Variants in AGBL1 observed in about 807,000 individuals in gnomAD.
The protein encoded by AGBL1 is cytosolic carboxypeptidase 4.
Under a neutral mutation model 118.9 loss-of-function variants are expected in AGBL1, and 130 were observed. The ratio of observed to expected loss-of-function variants is 1.09; its 90% CI spans 0.95 to 1.26. The LOEUF is 1.26. AGBL1 is among the 50% of genes most tolerant of loss of function. The pLI, the probability that AGBL1 is intolerant of heterozygous loss-of-function variation, is 0.00. For missense variants in AGBL1, 1,584 were observed against 1,298.1 expected (o/e 1.22, Z -3.38); for synonymous variants, 555 against 478.9 (o/e 1.16, Z -2.08).
chr15:86,639,973 A>G (rs762392633), intron 21 of AGBL1, among the ~76,000 whole-genome samples: 1 of 152,100 alleles, frequency 6.6e-6, no homozygotes, highest in Admixed American at 6.6e-5. Flanking sequence ...TGCTGAATGG[A>G]TGGTGTGTGT....
downstream of AGBL1, among the ~76,000 whole-genome samples, chr15:86,917,483 C>A (rs2881640): frequency 1.3e-5 from 2 of 152,014 alleles, no homozygotes; most frequent in Non-Finnish European, 2.9e-5. The surrounding 1 kb of genome is among the most constrained non-coding windows in gnomAD (Gnocchi z 4.8). Flanking sequence ...ACTGAGCACA[C>A]TGAATGTTCC....
chr15:86,242,483 T>C (rs1328332074), intron 6 of AGBL1, among the ~76,000 whole-genome samples: 2 of 152,194 alleles, frequency 1.3e-5, no homozygotes, highest in Admixed American at 1.3e-4. Flanking sequence ...ATGCTCAAAG[T>C]CGCACAGCTA....
chr15:86,593,344 T>G (rs2084363989), intron 21 of AGBL1, among the ~76,000 whole-genome samples: 1 of 151,642 alleles, frequency 6.6e-6, no homozygotes, highest in South Asian at 2.1e-4. Flanking sequence ...GATCTGTGGA[T>G]CTGGTGTGCT....
chr15:86,625,364 C>CCTTTTTTTTTTTTTTTTTTTTTTTT lies in AGBL1; in HGVS notation c.2995-48909_2995-48908insCTTTTTTTTTTTTTTTTTTTTTTTT, dbSNP rs1429206623. Among the ~76,000 whole-genome samples the CCTTTTTTTTTTTTTTTTTTTTTTTT allele has an allele frequency of 5.9e-5, 4 of 68,260 alleles. 2 individuals carry two copies. 44.8% of individuals were successfully genotyped at this position (68,260 alleles called of 152,430 possible). A position where few individuals can be genotyped will look rare whatever the true frequency, so the allele number is the denominator to read the frequency against. ...CAGCCTCCAAGGTAGAAGAAATTAG[C>CCTTTTTTTTTTTTTTTTTTTTTTTT]GTTTTTTTTTTTTTGTTTTTGTTTT... On this transcript the variant is annotated intron_variant, in intron 21 of 22. Transcript: ENST00000614907.
At chr15:86,475,727 C>T (rs551113552) in intron 18 of AGBL1, among the ~76,000 whole-genome samples, 277 of 152,224 alleles carry the variant, frequency 1.8e-3, no homozygotes, top group Middle Eastern at 6.8e-3. Flanking sequence ...CAGAGAATGC[C>T]ACAAAGATAC....
At chr15:86,104,730 A>G (rs1308480868) in intron 1 of AGBL1, among the ~76,000 whole-genome samples, 2 of 152,164 alleles carry the variant, frequency 1.3e-5, no homozygotes, top group African/African-American at 4.8e-5. Flanking sequence ...TTACAGCAGG[A>G]TGCAGTCTGG....
At chr15:86,217,233 A>G (rs1164948055) in intron 5 of AGBL1, among the ~76,000 whole-genome samples, 1 of 152,190 alleles carries the variant, frequency 6.6e-6, no homozygotes, top group Non-Finnish European at 1.5e-5. Flanking sequence ...CTTTGGGTGT[A>G]AGAGTCTTTG....
intron 1 of AGBL1, chr15:86,104,981 G>C (rs2141514860): frequency 6.6e-6 from 1 of 152,260 alleles, no homozygotes; most frequent in South Asian, 2.1e-4. Flanking sequence ...CCTGCATTGG[G>C]GAGCCTCTCC....
chr15:86,240,498 G>A (rs192698885), intron 6 of AGBL1, among the ~76,000 whole-genome samples: 1 of 152,176 alleles, frequency 6.6e-6, no homozygotes, highest in African/African-American at 2.4e-5. Context: ...AAATTGCAGG[G>A]TTTGAGAAGA....
chr15:86,848,278 T>C (rs1030705020), intron 22 of AGBL1, among the ~76,000 whole-genome samples: 2 of 152,238 alleles, frequency 1.3e-5, no homozygotes, highest in African/African-American at 4.8e-5. Context: ...AAAATGGTTT[T>C]TATTTTTTAG....
intron 7 of AGBL1, among the ~76,000 whole-genome samples, chr15:86,252,566 G>A (rs890202881): frequency 3.9e-5 from 6 of 152,166 alleles, no homozygotes; most frequent in African/African-American, 1.2e-4. Flanking sequence ...CCAGCAGGTG[G>A]GGGTAATAGC....
intron 21 of AGBL1, among the ~76,000 whole-genome samples, chr15:86,624,789 C>G (rs528437001): frequency 1.1e-4 from 16 of 152,164 alleles, no homozygotes; most frequent in African/African-American, 3.9e-4. Flanking sequence ...TCTACAAACT[C>G]AGGAGGGAGA....
At chr15:86,220,845 C>G (rs922747778) in intron 5 of AGBL1, among the ~76,000 whole-genome samples, 1 of 152,128 alleles carries the variant, frequency 6.6e-6, no homozygotes, top group Non-Finnish European at 1.5e-5. Context: ...GAAGCTCAAA[C>G]AATGGGGGAT....
chr15:87,027,678 T>C (rs1273015756), intron 24 of AGBL1, among the ~76,000 whole-genome samples: 1 of 151,978 alleles, frequency 6.6e-6, no homozygotes, highest in Non-Finnish European at 1.5e-5. Context: ...GTGGTACATA[T>C]ACGCCATGGA....
At chr15:86,391,696 C>G (rs910924727) in intron 17 of AGBL1, among the ~76,000 whole-genome samples, 3 of 125,748 alleles carry the variant, frequency 2.4e-5, no homozygotes, top group Non-Finnish European at 4.7e-5. Context: ...AAGATTGTTC[C>G]CAAACCCTTA....
At chr15:86,636,368 A>G (rs1418188925) in intron 21 of AGBL1, among the ~76,000 whole-genome samples, 1 of 152,080 alleles carries the variant, frequency 6.6e-6, no homozygotes, top group East Asian at 1.9e-4. Context: ...TCACCGTTTC[A>G]TCTGGACAAT....
chr15:86,258,025 A>G lies in AGBL1; in HGVS notation c.963A>G (p.Lys321=), dbSNP rs2078924602. The G allele has an allele frequency of 6.2e-7, 1 of 1,613,670 alleles. No individual in the cohort carries two copies. ...VDKDSDTEDG[K]VEDDDLETDV... is the part of the protein sequence containing the mutation. ...AAGACTCTGATACTGAAGATGGGAA[A>G]GTGGAAGTAGGTACACCAGCCCATG... Residue 321 remains lysine (K), a synonymous_variant, in exon 9 of 23, where the codon AAA becomes AAG. Transcript: ENST00000614907.
At chr15:86,279,884 A>T in intron 16 of AGBL1, 101 bp downstream of exon 16, 1 of 1,399,702 alleles carries the variant, frequency 7.1e-7, no homozygotes, top group Non-Finnish European at 9.9e-7. Context: ...TGGGGTGCAG[A>T]GGGGAATGTA....
At chr15:86,094,197 A>G (rs1477363052) in intron 1 of AGBL1, among the ~76,000 whole-genome samples, 3 of 152,138 alleles carry the variant, frequency 2.0e-5, no homozygotes, top group African/African-American at 4.8e-5. Flanking sequence ...CTCATTTATA[A>G]GCTTGTGATT....
Sources: gnomAD v4.1 joint callset for allele counts (sites outside exome capture counted in the v4.1 genomes callset) on GRCh38, gnomAD v4.1.1 for gene constraint, Gnocchi (gnomAD v3.1) non-coding constraint, MANE v1.5 for transcripts, NCBI Gene and HGNC (gene_info 2026-07-23, HGNC 2026-07-21) for gene names.